SCUBE2: variants seen among roughly 807,000 people sequenced by gnomAD.
SCUBE2 encodes signal peptide, CUB domain and EGF like domain containing 2.
Under a neutral mutation model 125.9 loss-of-function variants are expected in SCUBE2, and 114 were observed. The ratio of observed to expected loss-of-function variants is 0.91; its 90% CI spans 0.78 to 1.06. The LOEUF (loss-of-function observed/expected upper bound fraction) is 1.06. Among genes scored for constraint, SCUBE2 ranks in the 50% least tolerant of loss-of-function variants. SCUBE2 has a pLI of 0.00. For missense variants in SCUBE2, 1,255 were observed against 1,301.8 expected, an observed-to-expected ratio of 0.96 and a Z score of 0.55; for synonymous variants, 459 against 492.9, an observed-to-expected ratio of 0.93 and a Z score of 0.91.
intron 4 of SCUBE2, 64 bp from the exon 5 acceptor site, chr11:9,069,559 C>T (rs1047189965): frequency 2.4e-5 from 39 of 1,602,172 alleles, no homozygotes; most frequent in South Asian, 1.6e-4. Flanking sequence ...CCTGGGAGAG[C>T]GGCAAAGGGC....
chr11:9,028,326 C>T (rs1363671570), intron 19 of SCUBE2, among the ~76,000 whole-genome samples: 1 of 152,212 alleles, frequency 6.6e-6, no homozygotes, highest in Non-Finnish European at 1.5e-5. Flanking sequence ...TGAGCCACTG[C>T]ACCCAACCCA....
At chr11:9,053,580 C>T in intron 11 of SCUBE2, 57 bp downstream of exon 11, 2 of 1,598,008 alleles carry the variant, frequency 1.3e-6, no homozygotes, top group Non-Finnish European at 8.5e-7. Context: ...CAGAGCTGCA[C>T]TGCCTCTGGG....
chr11:9,025,690 G>A lies in SCUBE2; in HGVS notation c.2854+12C>T, dbSNP rs968462520. 4 of 1,613,774 alleles carry A rather than the reference G, an allele frequency of 2.5e-6. No homozygotes were observed. The African/African-American group carries it at 5.3e-5, about 22-fold the overall frequency. ...AGAGACGCTCTTTCCATGTGCTGCA[G>A]GCTGTGCTTACCATCATATGTCACG... On this transcript the variant is annotated intron_variant, in intron 21 of 22. Transcript: ENST00000649792.
At chr11:9,071,613 C>T (rs1480034497) in intron 4 of SCUBE2, among the ~76,000 whole-genome samples, 2 of 152,242 alleles carry the variant, frequency 1.3e-5, no homozygotes, top group East Asian at 1.9e-4. Context: ...CAGGATGGTT[C>T]GTTCACCAGA....
rs1445029254 is a variant in SCUBE2, at chr11:9,052,629, A to G, written c.1534+117T>C. 3 of 724,048 alleles carry G rather than the reference A, an allele frequency of 4.1e-6. No individual in the cohort carries two copies. The East Asian group carries it at 8.6e-5, about 21-fold the overall frequency. The allele number at this position is 724,048 out of a possible 1,614,324, so 44.9% of individuals were successfully genotyped here. A position where few individuals can be genotyped will look rare whatever the true frequency, so the allele number is the denominator to read the frequency against. ...CAACAACACCCTGGAACATGCTCAC[A>G]GCATCAAGGAAATTAACAGAAAAAA... On this transcript the variant is annotated intron_variant, in intron 13 of 22. Transcript: ENST00000649792.
At chr11:9,053,849 C>A in intron 10 of SCUBE2, 90 bp from the exon 11 acceptor site, 1 of 1,504,206 alleles carries the variant, frequency 6.6e-7, no homozygotes. Flanking sequence ...GCAGGGGAGT[C>A]ACAAGGTTGA....
intron 2 of SCUBE2, among the ~76,000 whole-genome samples, chr11:9,080,048 T>C (rs1861515768): frequency 6.6e-6 from 1 of 152,232 alleles, no homozygotes; most frequent in Non-Finnish European, 1.5e-5. Flanking sequence ...TAACTCACTA[T>C]AAACCTACAG....
chr11:9,045,497 T>A (rs1857610502), intron 16 of SCUBE2, among the ~76,000 whole-genome samples: 1 of 152,070 alleles, frequency 6.6e-6, no homozygotes, highest in Admixed American at 6.6e-5. Context: ...TAAAAGGAAC[T>A]ATCCTAAGCT....
chr11:9,048,208 T>TGCCA, intron 14 of SCUBE2, 110 bp from the exon 15 acceptor site: 4 of 1,083,848 alleles, frequency 3.7e-6, no homozygotes, highest in Non-Finnish European at 5.3e-6. Context: ...AGGGACTAAG[T>TGCCA]GATTATCTCC....
chr11:9,077,288 G>A (rs1861282118), intron 3 of SCUBE2, among the ~76,000 whole-genome samples: 1 of 152,138 alleles, frequency 6.6e-6, no homozygotes, highest in African/African-American at 2.4e-5. Flanking sequence ...AGCTTCTCAG[G>A]TGATTCCAGT....
intron 8 of SCUBE2, 39 bp from the exon 9 acceptor site, chr11:9,059,464 C>G (rs1308012079): frequency 5.0e-6 from 8 of 1,589,900 alleles, no homozygotes; most frequent in Non-Finnish European, 6.9e-6. Context: ...GAGAGCAATA[C>G]TTGCCTCATT....
chr11:9,077,325 T>C (rs371201396), intron 3 of SCUBE2, among the ~76,000 whole-genome samples: 1 of 152,272 alleles, frequency 6.6e-6, no homozygotes, highest in East Asian at 1.9e-4. Context: ...GAACAACTGC[T>C]ACAAAGCCAA....
At chr11:9,055,937 T>C (rs1404438407) in intron 9 of SCUBE2, 28 bp from the exon 10 acceptor site, 1 of 1,564,718 alleles carries the variant, frequency 6.4e-7, no homozygotes, top group Non-Finnish European at 8.8e-7. Context: ...AGAGGGGAGC[T>C]GAAACCCACT....
chr11:9,049,105 G>A (rs1322495580), intron 14 of SCUBE2, among the ~76,000 whole-genome samples: 1 of 152,070 alleles, frequency 6.6e-6, no homozygotes, highest in African/African-American at 2.4e-5. Context: ...TAGAAAAGTT[G>A]CTAAGATAGT....
In SCUBE2 at chr11:9,019,740, A is replaced by C. The variant is rs1241985312; in HGVS notation, c.*1305T>G. ...TTTTTTTAGTACTTTGGTATGGAGA[A>C]TTGGCTGTGCATAGAATTGTTATTG... is the stretch of plus-strand genomic sequence containing the variant. On this transcript the variant is annotated 3_prime_UTR_variant, in exon 23 of 23. Transcript: ENST00000649792. Among the ~76,000 whole-genome samples, 1 of 152,164 alleles carries C rather than the reference A, an allele frequency of 6.6e-6. No homozygotes were observed. The highest frequency in any genetic ancestry group is 1.9e-4 in the East Asian group (1 of 5,206).
chr11:9,083,382 T>C (rs1861797198), intron 2 of SCUBE2, among the ~76,000 whole-genome samples: 2 of 152,176 alleles, frequency 1.3e-5, no homozygotes, highest in South Asian at 4.1e-4. Flanking sequence ...CTAGTAAATA[T>C]TGTACTTTAG....
chr11:9,022,645 C>T (rs1207509296), intron 21 of SCUBE2: 4 of 152,496 alleles, frequency 2.6e-5, no homozygotes, highest in African/African-American at 9.6e-5. Context: ...GGTCACTCCT[C>T]CTCCTTGATC....
intron 17 of SCUBE2, among the ~76,000 whole-genome samples, chr11:9,031,879 G>A (rs1022603391): frequency 3.7e-5 from 2 of 54,292 alleles, no homozygotes; most frequent in Non-Finnish European, 1.6e-4. Flanking sequence ...ATAAGTTATA[G>A]ATATGATGGC....
chr11:9,076,157 G>A (rs980985097), intron 3 of SCUBE2, among the ~76,000 whole-genome samples: 3 of 152,170 alleles, frequency 2.0e-5, no homozygotes, highest in Non-Finnish European at 4.4e-5. Flanking sequence ...GCCAAAGGCG[G>A]GAGTGTGGGA....
Sources: gnomAD v4.1 joint callset for allele counts (sites outside exome capture counted in the v4.1 genomes callset) on GRCh38, gnomAD v4.1.1 for gene constraint, MANE v1.5 for transcripts, NCBI Gene and HGNC (gene_info 2026-07-23, HGNC 2026-07-21) for gene names.